Variants in TMEM247 observed in about 807,000 individuals in gnomAD.
TMEM247 encodes transmembrane protein ENSP00000343375.
A neutral mutation model predicts 20.7 loss-of-function variants in TMEM247; 23 were observed. That is an observed-to-expected ratio of 1.11 (90% CI 0.80 to 1.57). The LOEUF is 1.57. Among genes scored for constraint, TMEM247 ranks in the 40% most tolerant of loss-of-function variants. The probability of loss-of-function intolerance (pLI) is 0.00; values close to 1 mark genes in which losing one functional copy is unlikely to be tolerated. For synonymous variants in TMEM247, 106 were observed against 111.9 expected, an observed-to-expected ratio of 0.95 and a Z score of 0.33; for missense variants, 354 against 283.8, an observed-to-expected ratio of 1.25 and a Z score of -1.78.
At chr2:46,480,738 C>A in exon 2 of TMEM247, 1 of 1,550,772 alleles carries the variant, frequency 6.4e-7, no homozygotes, top group African/African-American at 1.4e-5. Context: ...GATGGAGCAG[C>A]TGCAGCAAGA....
At chr2:46,480,873 C>A in intron 2 of TMEM247, 109 bp downstream of exon 2, 1 of 1,371,576 alleles carries the variant, frequency 7.3e-7, no homozygotes, top group Non-Finnish European at 9.6e-7. Context: ...CCCCACCCTG[C>A]AGATCCTGGA....
intron 2 of TMEM247, among the ~76,000 whole-genome samples, chr2:46,481,285 C>A (rs1481805841): frequency 2.6e-5 from 4 of 152,216 alleles, no homozygotes; most frequent in African/African-American, 7.2e-5. Context: ...TTGGATCATA[C>A]TGCCTTCTAG....
chr2:46,480,400 G>A lies in TMEM247; in HGVS notation c.118-5G>A, dbSNP rs763267098. 19 of 1,536,434 alleles carry A rather than the reference G, an allele frequency of 1.2e-5. No homozygotes were observed. Among genetic ancestry groups the A allele is most frequent in the Admixed American group, 7.9e-5 (4 of 50,362 alleles). ...TACCTCCCCTCCCTGCTTCCCCTAC[G>A]CCAGGAGGCAGAGTCCCAGAAGCCA... On this transcript the variant is annotated splice_polypyrimidine_tract_variant and splice_region_variant and intron_variant, in intron 1 of 2. Transcript: ENST00000434431.
intron 2 of TMEM247, 141 bp from the exon 3 acceptor site, chr2:46,484,103 G>A (rs1686941836): frequency 1.3e-6 from 1 of 752,276 alleles, no homozygotes; most frequent in Non-Finnish European, 2.1e-6. Flanking sequence ...CATGATTTTG[G>A]AAATGGGCAC....
Position 46,480,613 on chromosome 2 carries a change from T to A in TMEM247, c.326T>A (p.Val109Glu), listed in dbSNP as rs564004743. 51 of 1,483,558 alleles carry A rather than the reference T, an allele frequency of 3.4e-5. 1 individual carries two copies. In the South Asian group the frequency reaches 5.7e-4, roughly 17 times the overall value. The allele number at this position is 1,483,558 out of a possible 1,614,324, so 91.9% of individuals were successfully genotyped here. A position where few individuals can be genotyped will look rare whatever the true frequency, so the allele number is the denominator to read the frequency against. The change falls in exon 2 of 3, where the codon GTG becomes GAG. Residue 109 changes from valine (V) to glutamate (E), a missense_variant. By Grantham distance (121) the Val-to-Glu change is moderately radical (BLOSUM62 -2). Coordinates refer to ENST00000434431, the Ensembl canonical transcript of TMEM247. ...AATCCCGAGATGGAGCTGGAGAAGG[T>A]GCGCATGGAGTTCGAGCTCACGCGG...
At chr2:46,480,493 A>G (rs1345783433) in exon 2 of TMEM247, 17 of 1,551,570 alleles carry the variant, frequency 1.1e-5, no homozygotes, top group Non-Finnish European at 1.3e-5. Flanking sequence ...GGGCCGCTTA[A>G]ATCGCTGTCC....
chr2:46,482,795 T>C (rs1686915006), intron 2 of TMEM247, among the ~76,000 whole-genome samples: 1 of 152,200 alleles, frequency 6.6e-6, no homozygotes, highest in Non-Finnish European at 1.5e-5. Flanking sequence ...TCTCCAACCT[T>C]CCTAGCTATT....
intron 2 of TMEM247, among the ~76,000 whole-genome samples, chr2:46,483,669 C>T (rs1235641264): frequency 2.6e-5 from 4 of 152,166 alleles, no homozygotes; most frequent in South Asian, 2.1e-4. Flanking sequence ...GGTGGCCTGG[C>T]GCCCCAGTCA....
At chr2:46,482,289 C>T (rs576934537) in intron 2 of TMEM247, among the ~76,000 whole-genome samples, 15 of 152,206 alleles carry the variant, frequency 9.9e-5, no homozygotes, top group Admixed American at 6.5e-4. Flanking sequence ...TTGCCTATTG[C>T]TTAGACTTTA....
chr2:46,479,675 G>A, exon 1 of TMEM247: 3 of 1,551,768 alleles, frequency 1.9e-6, no homozygotes, highest in Non-Finnish European at 2.6e-6. Flanking sequence ...GTGACTCCAA[G>A]TCTGAAGGGA....
chr2:46,484,330 T>G lies in TMEM247; in HGVS notation c.564T>G (p.Tyr188Ter). 6.4e-7 allele frequency: 1 copy of G among 1,552,386 alleles called. No homozygotes were observed. ...GCTTCATCTTCATTCACATCATCTA[T>G]GTCACCAAGGAGATGGTCTTCTTTC... Residue 188 changes from tyrosine (Y) to a stop codon, truncating the protein, a stop_gained, in exon 3 of 3, where the codon TAT becomes TAG. Transcript: ENST00000434431. LOFTEE classifies it high-confidence loss of function.
At chr2:46,479,772 C>A in intron 1 of TMEM247, 70 bp downstream of exon 1, 2 of 1,149,482 alleles carry the variant, frequency 1.7e-6, no homozygotes, top group Non-Finnish European at 2.5e-6. Flanking sequence ...TGTAGGAACA[C>A]ATGCTTTGAG....
At chr2:46,484,271 C>G in exon 3 of TMEM247, 2 of 1,551,104 alleles carry the variant, frequency 1.3e-6, no homozygotes, top group Non-Finnish European at 1.7e-6. Flanking sequence ...GAACTTCCTG[C>G]TGCCCCAGAA....
intron 2 of TMEM247, among the ~76,000 whole-genome samples, chr2:46,482,343 C>T (rs1686904531): frequency 1.3e-5 from 2 of 152,238 alleles, no homozygotes; most frequent in African/African-American, 4.8e-5. Context: ...CATTTGCAAA[C>T]TTGTGACTTT....
chr2:46,480,480 C>G (rs1686858313), exon 2 of TMEM247: 1 of 1,551,564 alleles, frequency 6.4e-7, no homozygotes, highest in Non-Finnish European at 8.7e-7. Flanking sequence ...CGGAGGCTGC[C>G]AAGGGCCGCT....
At chr2:46,480,568 C>T in exon 2 of TMEM247, 3 of 1,551,664 alleles carry the variant, frequency 1.9e-6, no homozygotes, top group Non-Finnish European at 2.6e-6. Context: ...GAGCTGCCCC[C>T]GACCCCTGGG....
exon 2 of TMEM247, chr2:46,480,758 C>T: frequency 6.5e-7 from 1 of 1,546,142 alleles, no homozygotes. Context: ...AGGCGGCGCC[C>T]CGCCTGGTGG....
At chr2:46,479,736 T>A (rs2103780880) in intron 1 of TMEM247, 34 bp downstream of exon 1, 2 of 1,436,084 alleles carry the variant, frequency 1.4e-6, no homozygotes, top group East Asian at 5.0e-5. Flanking sequence ...CACCCCCGCC[T>A]ATTCCGTCAG....
chr2:46,480,517 G>A lies in TMEM247; in HGVS notation c.230G>A (p.Arg77His), dbSNP rs1200884183. The A allele has an allele frequency of 1.4e-5, 21 of 1,551,720 alleles. No individual in the cohort carries two copies. In the Admixed American group the frequency reaches 2.9e-4, roughly 22 times the overall value. ...AAATCGCTGTCCCCCAAGTCCTGCC[G>A]TGCTACCAAAGGCCAGGCTGGCGAC... The change falls in exon 2 of 3, where the codon CGT becomes CAT. Residue 77 changes from arginine to histidine, a missense_variant. Transcript: ENST00000434431.
Sources: allele counts gnomAD v4.1 joint callset (sites outside exome capture counted in the v4.1 genomes callset), GRCh38; gene constraint gnomAD v4.1.1; transcripts MANE v1.5; gene names NCBI Gene and HGNC (gene_info 2026-07-23, HGNC 2026-07-21).